The following HMCN2 variants were observed in gnomAD, a reference collection of about 807,000 sequenced individuals.
HMCN2 encodes the protein hemicentin 2.
Under a neutral mutation model 377.5 loss-of-function variants are expected in HMCN2, and 325 were observed. The ratio of observed to expected loss-of-function variants is 0.86; its 90% CI spans 0.79 to 0.94. The LOEUF (loss-of-function observed/expected upper bound fraction) is 0.94. Ranked by LOEUF, HMCN2 falls within the 40% of genes least tolerant of loss-of-function variation. The pLI is 0.00. For missense variants in HMCN2, 4,543 were observed against 4,725.3 expected, an observed-to-expected ratio of 0.96 and a Z score of 1.13; for synonymous variants, 2,007 against 2,046.8, an observed-to-expected ratio of 0.98 and a Z score of 0.53.
At chr9:130,383,431 G>A (rs951708107) in intron 56 of HMCN2, 73 bp from the exon 57 acceptor site, 6 of 656,702 alleles carry the variant, frequency 9.1e-6, no homozygotes, top group Middle Eastern at 8.0e-4. Context: ...GGGATTCCTC[G>A]CAGTCATTCC....
intron 81 of HMCN2, 41 bp downstream of exon 81, chr9:130,405,100 T>C (rs1005871023): frequency 8.2e-7 from 1 of 1,224,898 alleles, no homozygotes; most frequent in African/African-American, 1.5e-5. Flanking sequence ...GAATAATGGC[T>C]GAGACCCCTG....
Position 130,376,516 on chromosome 9 carries a change from T to TC in HMCN2, c.7925dup (p.Ser2643PhefsTer29). ...CTCTCAGACCCCTCGTGCTTTTCAG[T>TC]CCCCCCTTCCATCTCCAAAGACGAC... On this transcript the variant is annotated frameshift_variant and splice_region_variant, in exon 52 of 98. Transcript: ENST00000683500. LOFTEE classifies it high-confidence loss of function. 4 of 985,280 alleles carry TC rather than the reference T, an allele frequency of 4.1e-6. No homozygotes were observed. The highest frequency in any genetic ancestry group is 4.8e-6 in the Non-Finnish European group (4 of 829,732). The allele number at this position is 985,280 out of a possible 1,614,324, so 61.0% of individuals were successfully genotyped here. A position where few individuals can be genotyped will look rare whatever the true frequency, so the allele number is the denominator to read the frequency against.
intron 24 of HMCN2, among the ~76,000 whole-genome samples, chr9:130,341,796 G>A (rs1406880194): frequency 6.6e-6 from 1 of 152,098 alleles, no homozygotes; most frequent in Non-Finnish European, 1.5e-5. Flanking sequence ...AGTATGTGGG[G>A]GGTCCATGTG....
intron 97 of HMCN2, chr9:130,432,994 G>A: frequency 2.6e-6 from 1 of 381,416 alleles, no homozygotes; most frequent in Non-Finnish European, 4.7e-6. Context: ...AAGGCTAAGC[G>A]CAGTCTCCAC....
intron 1 of HMCN2, among the ~76,000 whole-genome samples, chr9:130,279,825 G>C (rs896009955): frequency 2.6e-5 from 4 of 152,164 alleles, no homozygotes; most frequent in African/African-American, 9.7e-5. Flanking sequence ...ATGGTGAAAG[G>C]GACTTTGCAG....
Position 130,309,943 on chromosome 9 carries a change from C to T in HMCN2, c.2232C>T (p.Gly744=), listed in dbSNP as rs1554938366. The change falls in exon 15 of 98, where the codon GGC becomes GGT. Residue 744 remains glycine, a synonymous_variant. Coordinates refer to ENST00000683500, the MANE Select transcript of HMCN2 (RefSeq NM_001291815.2). ...TTGAAATGATCCTGGCCCCTGAGGG[C>T]TCCAGCTCTGGGAAGCTGCGGATCC... ...GGLEMILAPE[G]SSSGKLRIPA... 5.7e-6 allele frequency: 3 copies of T among 523,704 alleles called. No individual in the cohort carries two copies. Among genetic ancestry groups the T allele is most frequent in the Non-Finnish European group, 1.2e-5 (3 of 254,996 alleles). 32.4% of individuals were successfully genotyped at this position (523,704 alleles called of 1,614,324 possible). A position where few individuals can be genotyped will look rare whatever the true frequency, so the allele number is the denominator to read the frequency against.
intron 23 of HMCN2, among the ~76,000 whole-genome samples, chr9:130,339,876 C>T (rs1413332343): frequency 6.6e-6 from 1 of 152,170 alleles, no homozygotes; most frequent in Non-Finnish European, 1.5e-5. Context: ...CTCAGTGTCC[C>T]TCGAGGGTCC....
At chr9:130,395,851 C>A in intron 71 of HMCN2, 73 bp from the exon 72 acceptor site, 1 of 1,229,110 alleles carries the variant, frequency 8.1e-7, no homozygotes, top group Non-Finnish European at 1.0e-6. Flanking sequence ...CTCAGTCTTC[C>A]ACATCTGCTG....
In HMCN2 at chr9:130,304,217, T is replaced by A. The variant is rs532200416; in HGVS notation, c.1544-513T>A. Among the ~76,000 whole-genome samples, 8 of 152,340 alleles carry A rather than the reference T, an allele frequency of 5.3e-5. No individual in the cohort carries two copies. The highest frequency in any genetic ancestry group is 8.8e-5 in the Non-Finnish European group (6 of 68,028). ...TTGATTTACTCCCTTTTAGGTTTTT[T>A]TCTATGTTCAGCAGTCTCTGATCTT... On this transcript the variant is annotated intron_variant, in intron 10 of 97. Transcript: ENST00000683500. This position sits in a 1 kb window ranked among gnomAD's most constrained non-coding sequence, Gnocchi z 4.3.
chr9:130,336,634 C>T lies in HMCN2; in HGVS notation c.3360-1260C>T, dbSNP rs946112086. On this transcript the variant is annotated intron_variant, in intron 22 of 97. Coordinates refer to ENST00000683500, the MANE Select transcript of HMCN2 (RefSeq NM_001291815.2). ...AGACCACCACCCACTGTGTCATCCA[C>T]AGCCATCCTCAGAGAACTTGTCCCA... 5.1e-4 allele frequency among the ~76,000 whole-genome samples: 77 copies of T among 152,284 alleles called. 1 individual carries two copies. In the East Asian group the frequency reaches 0.014, roughly 27 times the overall value.
chr9:130,407,682 C>A lies in HMCN2; in HGVS notation c.12665C>A (p.Ala4222Glu). 8.0e-7 allele frequency: 1 copy of A among 1,254,236 alleles called. No homozygotes were observed. Among genetic ancestry groups the A allele is most frequent in the Non-Finnish European group, 1.0e-6 (1 of 966,512 alleles). The allele number at this position is 1,254,236 out of a possible 1,614,324, so 77.7% of individuals were successfully genotyped here. A position where few individuals can be genotyped will look rare whatever the true frequency, so the allele number is the denominator to read the frequency against. ...GAGAACAGAGTGGGCCGCACGCAGGCGGTCAGCTTCGTCCACGTGAAGGGT... is the reference window on the plus strand; with the variant it reads ...GAGAACAGAGTGGGCCGCACGCAGGAGGTCAGCTTCGTCCACGTGAAGGGT... ...WAENRVGRTQ[A>E]VSFVHVKEAP... The change falls in exon 83 of 98, where the codon GCG (alanine) becomes GAG (glutamate). Residue 4222 changes from alanine (A) to glutamate (E), a missense_variant. Transcript: ENST00000683500.
chr9:130,377,042 G>A (rs1021757995), intron 52 of HMCN2, among the ~76,000 whole-genome samples: 4 of 152,076 alleles, frequency 2.6e-5, no homozygotes, highest in Admixed American at 6.5e-5. Context: ...CAGGTCATCT[G>A]CCCGCCTTGG....
intron 14 of HMCN2, 61 bp downstream of exon 14, chr9:130,307,627 A>T (rs1836954211): frequency 6.4e-6 from 3 of 469,582 alleles, no homozygotes; most frequent in South Asian, 4.6e-5. Flanking sequence ...TGTTGAGGGG[A>T]GGTGGGGGTG....
chr9:130,278,727 C>A (rs1222622961), intron 1 of HMCN2, among the ~76,000 whole-genome samples: 1 of 151,774 alleles, frequency 6.6e-6, no homozygotes, highest in Non-Finnish European at 1.5e-5. Context: ...GGATTACAGG[C>A]ATGCACCACC....
chr9:130,330,511 A>G (rs1386035026), intron 22 of HMCN2, among the ~76,000 whole-genome samples: 1 of 152,136 alleles, frequency 6.6e-6, no homozygotes, highest in African/African-American at 2.4e-5. Context: ...CTGGGTCCCA[A>G]CATGCACAGA....
intron 23 of HMCN2, among the ~76,000 whole-genome samples, chr9:130,338,763 G>A (rs1282376086): frequency 2.0e-5 from 3 of 152,336 alleles, no homozygotes; most frequent in Non-Finnish European, 2.9e-5. Flanking sequence ...TGGCCCAAGG[G>A]CCCAATCTGC....
At position 130,374,794 on chromosome 9, in the gene HMCN2, T is replaced by C. The variant is rs192455751; in HGVS notation, c.7630+101T>C. The C allele has an allele frequency of 2.3e-5, 12 of 516,746 alleles. No homozygotes were observed. In the South Asian group the frequency reaches 3.4e-4, roughly 15 times the overall value. 32.0% of individuals were successfully genotyped at this position (516,746 alleles called of 1,614,324 possible). A position where few individuals can be genotyped will look rare whatever the true frequency, so the allele number is the denominator to read the frequency against. Reference sequence around the variant, plus strand: ...AACTTCCCACAAACCATTCTACTATTTTTCTTCTAATTCTCCGAGTTTGAC... The same window carrying C: ...AACTTCCCACAAACCATTCTACTATCTTTCTTCTAATTCTCCGAGTTTGAC... On this transcript the variant is annotated intron_variant, in intron 49 of 97. Coordinates refer to ENST00000683500, the MANE Select transcript of HMCN2 (RefSeq NM_001291815.2).
chr9:130,309,875 G>A (rs1554938291), intron 14 of HMCN2, 37 bp from the exon 15 acceptor site: 2 of 438,744 alleles, frequency 4.6e-6, no homozygotes, highest in African/African-American at 2.0e-5. Flanking sequence ...CATGGTACCA[G>A]GGACACCGGC....
At chr9:130,432,208 G>GCCCA (rs1844797525) in intron 96 of HMCN2, among the ~76,000 whole-genome samples, 1 of 152,158 alleles carries the variant, frequency 6.6e-6, no homozygotes, top group Non-Finnish European at 1.5e-5. Flanking sequence ...CCCCCACGGT[G>GCCCA]CCCACCTACA....
Sources: gnomAD v4.1 joint callset for allele counts (sites outside exome capture counted in the v4.1 genomes callset) on GRCh38, gnomAD v4.1.1 for gene constraint, Gnocchi (gnomAD v3.1) non-coding constraint, MANE v1.5 for transcripts, NCBI Gene and HGNC (gene_info 2026-07-23, HGNC 2026-07-21) for gene names.